SIK3: variants seen among roughly 807,000 people sequenced by gnomAD.
SIK3 encodes the protein SIK family kinase 3.
In SIK3, 28 loss-of-function variants were observed where a neutral mutation model predicts 144.2. The ratio of observed to expected loss-of-function variants is 0.19; its 90% CI spans 0.14 to 0.27. SIK3 has a LOEUF of 0.27. Among genes scored for constraint, SIK3 ranks in the 10% least tolerant of loss-of-function variants. The probability of loss-of-function intolerance (pLI) is 1.00; values close to 1 mark genes in which losing one functional copy is unlikely to be tolerated. For synonymous variants in SIK3, 686 were observed against 676.3 expected (o/e 1.01, Z -0.22); for missense variants, 1,319 against 1,776.0 (o/e 0.74, Z 4.62).
chr11:117,067,118 G>T (rs1356965734), intron 1 of SIK3, among the ~76,000 whole-genome samples: 1 of 152,112 alleles, frequency 6.6e-6, no homozygotes, highest in Non-Finnish European at 1.5e-5. Context: ...CAATTTGGCA[G>T]TTTCTTTAAA....
At chr11:116,876,411 C>T in intron 7 of SIK3, 48 bp from the exon 8 acceptor site, 9 of 1,417,294 alleles carry the variant, frequency 6.4e-6, no homozygotes, top group Non-Finnish European at 9.0e-6. Context: ...TTAACCACAT[C>T]AAATGTGGCA....
intron 6 of SIK3, among the ~76,000 whole-genome samples, chr11:116,882,926 C>A (rs141357695): frequency 6.6e-6 from 1 of 152,082 alleles, no homozygotes; most frequent in African/African-American, 2.4e-5. Flanking sequence ...AATAAATTGG[C>A]GATTAAATCT....
At chr11:117,012,590 T>G (rs1951308973) in intron 1 of SIK3, among the ~76,000 whole-genome samples, 1 of 152,180 alleles carries the variant, frequency 6.6e-6, no homozygotes, top group East Asian at 1.9e-4. Flanking sequence ...CACTGCTCTG[T>G]CCACAATTCC....
chr11:116,880,632 A>C (rs1245767732), intron 6 of SIK3, among the ~76,000 whole-genome samples: 1 of 152,214 alleles, frequency 6.6e-6, no homozygotes, highest in Non-Finnish European at 1.5e-5. Context: ...ATGAAATTAA[A>C]TTCAGATGAG....
intron 1 of SIK3, among the ~76,000 whole-genome samples, chr11:117,086,994 C>CA (rs907856897): frequency 0.18 from 11,968 of 66,316 alleles, 1,014 homozygotes; most frequent in African/African-American, 0.33. Flanking sequence ...GACTCCATCT[C>CA]AAAAAAAAAA....
intron 4 of SIK3, among the ~76,000 whole-genome samples, chr11:116,910,760 A>T (rs1033696278): frequency 5.9e-5 from 9 of 152,298 alleles, no homozygotes; most frequent in African/African-American, 1.7e-4. Context: ...AATGCTGGTG[A>T]AATATAAAGG....
intron 1 of SIK3, among the ~76,000 whole-genome samples, chr11:116,980,227 C>CT (rs1166563268): frequency 1.3e-5 from 2 of 152,300 alleles, no homozygotes; most frequent in East Asian, 3.9e-4. Flanking sequence ...GCTCAGAACA[C>CT]TGATGTTAGC....
chr11:117,055,063 T>C (rs1240690617), intron 1 of SIK3, among the ~76,000 whole-genome samples: 1 of 152,188 alleles, frequency 6.6e-6, no homozygotes, highest in African/African-American at 2.4e-5. Context: ...CTTTCATAAA[T>C]GGAGAAATGG....
intron 20 of SIK3, 136 bp downstream of exon 20, chr11:116,859,129 A>AT: frequency 1.2e-6 from 1 of 827,870 alleles, no homozygotes; most frequent in Non-Finnish European, 1.8e-6. Flanking sequence ...CAGCATCCTG[A>AT]TTTTAGAAAG....
At chr11:116,875,047 A>G in intron 11 of SIK3, 111 bp downstream of exon 11, 1 of 780,538 alleles carries the variant, frequency 1.3e-6, no homozygotes. Context: ...CCACTGGATT[A>G]GATCTCCTCT....
At chr11:116,876,074 C>T in intron 8 of SIK3, 65 bp from the exon 9 acceptor site, 1 of 1,592,952 alleles carries the variant, frequency 6.3e-7, no homozygotes, top group African/African-American at 1.4e-5. Flanking sequence ...GACCAGAACC[C>T]TTTCAGTAAT....
chr11:116,856,058 G>A (rs899005616), intron 21 of SIK3, among the ~76,000 whole-genome samples: 1 of 151,980 alleles, frequency 6.6e-6, no homozygotes, highest in African/African-American at 2.4e-5. Flanking sequence ...TTAGCCGGGC[G>A]TGGTGGCGGG....
chr11:116,974,052 G>A (rs1949860269), intron 1 of SIK3, among the ~76,000 whole-genome samples: 1 of 152,176 alleles, frequency 6.6e-6, no homozygotes, highest in Admixed American at 6.5e-5. Flanking sequence ...CATTAATTAT[G>A]ACAAATGTAT....
At position 117,098,249 on chromosome 11, in the gene SIK3, CG is replaced by C; in HGVS notation, c.166del (p.Arg56AlafsTer42). The C allele has an allele frequency of 1.4e-6, 2 of 1,453,158 alleles. No individual in the cohort carries two copies. The highest frequency in any genetic ancestry group is 2.1e-5 in the Admixed American group (1 of 46,840). 90.0% of individuals were successfully genotyped at this position (1,453,158 alleles called of 1,614,324 possible). A position where few individuals can be genotyped will look rare whatever the true frequency, so the allele number is the denominator to read the frequency against. The stretch of plus-strand genomic sequence containing the variant: ...GCCGATACGGGCGGGCATGGGTCCG[CG>C]GGAGGCCGGGGCTGGGGGACGCGGC... ...GQPRPPAPAS[R>X]GPMPARIGYY... On this transcript the variant is annotated frameshift_variant, in exon 1 of 25. Transcript: ENST00000445177. LOFTEE classifies it high-confidence loss of function.
intron 4 of SIK3, among the ~76,000 whole-genome samples, chr11:116,909,447 G>C (rs1225116005): frequency 6.6e-6 from 1 of 152,128 alleles, no homozygotes; most frequent in Non-Finnish European, 1.5e-5. Flanking sequence ...AAATTTTCTA[G>C]TTTTTTGACC....
chr11:116,931,743 A>C (rs1449866216), intron 3 of SIK3, among the ~76,000 whole-genome samples: 1 of 152,172 alleles, frequency 6.6e-6, no homozygotes, highest in African/African-American at 2.4e-5. Flanking sequence ...TCTTCTTCCT[A>C]CACCCATGGA....
intron 1 of SIK3, among the ~76,000 whole-genome samples, chr11:117,084,118 TC>T (rs1247807498): frequency 2.0e-5 from 3 of 152,218 alleles, no homozygotes; most frequent in Non-Finnish European, 4.4e-5. Context: ...CCACCTTCAC[TC>T]AACCAACCTG....
At chr11:116,860,941 T>C (rs1208277491) in intron 19 of SIK3, among the ~76,000 whole-genome samples, 1 of 152,220 alleles carries the variant, frequency 6.6e-6, no homozygotes, top group East Asian at 1.9e-4. Context: ...CTTCTCCTTC[T>C]GCCATGGTTG....
intron 3 of SIK3, among the ~76,000 whole-genome samples, chr11:116,928,478 T>C (rs1305291864): frequency 6.6e-6 from 1 of 152,220 alleles, no homozygotes; most frequent in South Asian, 2.1e-4. Flanking sequence ...TAGATAAATA[T>C]ATTGTGATTT....
Sources: allele counts gnomAD v4.1 joint callset (sites outside exome capture counted in the v4.1 genomes callset), GRCh38; gene constraint gnomAD v4.1.1; transcripts MANE v1.5; gene names NCBI Gene and HGNC (gene_info 2026-07-23, HGNC 2026-07-21).